The following FAM184B variants were observed in gnomAD, a reference collection of about 807,000 sequenced individuals.
FAM184B encodes family with sequence similarity 184 member B, also known as protein FAM184B.
FAM184B carries 111 observed loss-of-function variants against 135.9 expected under a neutral mutation model. The ratio of observed to expected loss-of-function variants is 0.82; its 90% CI spans 0.70 to 0.96. FAM184B has a LOEUF of 0.96. FAM184B is among the 40% of genes least tolerant of loss of function. The probability of loss-of-function intolerance (pLI) is 0.00; values close to 1 mark genes in which losing one functional copy is unlikely to be tolerated. For missense variants in FAM184B, 1,375 were observed against 1,323.9 expected, an observed-to-expected ratio of 1.04 and a Z score of -0.60; for synonymous variants, 552 against 524.8, an observed-to-expected ratio of 1.05 and a Z score of -0.71.
chr4:17,655,568 A>T (rs1415920976), intron 10 of FAM184B, among the ~76,000 whole-genome samples: 2 of 152,156 alleles, frequency 1.3e-5, no homozygotes, highest in African/African-American at 4.8e-5. Context: ...CAAAAGTCCT[A>T]TATTATGTAA....
At chr4:17,716,775 C>A (rs770760310) in intron 1 of FAM184B, among the ~76,000 whole-genome samples, 1 of 152,120 alleles carries the variant, frequency 6.6e-6, no homozygotes, top group Non-Finnish European at 1.5e-5. Context: ...TTTAGCCTTG[C>A]ATTCTTGGCA....
At chr4:17,659,484 C>T (rs1286097848) in intron 9 of FAM184B, among the ~76,000 whole-genome samples, 2 of 149,426 alleles carry the variant, frequency 1.3e-5, no homozygotes, top group African/African-American at 4.9e-5. Flanking sequence ...ATTAGCACAA[C>T]AGGTTTTTTA....
chr4:17,693,650 G>C (rs952695260), intron 5 of FAM184B, among the ~76,000 whole-genome samples: 8 of 152,140 alleles, frequency 5.3e-5, no homozygotes, highest in African/African-American at 1.9e-4. Context: ...AAGTTTTCTA[G>C]TGTCAAATAA....
At chr4:17,776,053 TAAATA>T (rs1159232271) in intron 1 of FAM184B, among the ~76,000 whole-genome samples, 3 of 152,124 alleles carry the variant, frequency 2.0e-5, no homozygotes, top group Non-Finnish European at 4.4e-5. Context: ...AGTAAACAAA[TAAATA>T]AGGGCTCTGT....
chr4:17,715,594 TAAC>T (rs1717387311), intron 1 of FAM184B, among the ~76,000 whole-genome samples: 1 of 152,276 alleles, frequency 6.6e-6, no homozygotes, highest in East Asian at 1.9e-4. Context: ...CTGTAGTTAA[TAAC>T]AATATACTGT....
intron 7 of FAM184B, among the ~76,000 whole-genome samples, chr4:17,679,010 C>T (rs1716380385): frequency 1.3e-5 from 2 of 152,182 alleles, no homozygotes; most frequent in African/African-American, 4.8e-5. Context: ...TAATCTCTCA[C>T]CTTATACAAA....
At chr4:17,655,750 G>A (rs1474352357) in intron 10 of FAM184B, among the ~76,000 whole-genome samples, 4 of 152,172 alleles carry the variant, frequency 2.6e-5, no homozygotes, top group African/African-American at 7.2e-5. Context: ...ATGGCAGCTC[G>A]TGGTAGCTAC....
Position 17,690,803 on chromosome 4 carries a change from G to A in FAM184B, c.1489-2272C>T, listed in dbSNP as rs569715474. ...TTCAAGGCATAGGTGTGGAGACAAG[G>A]GAGGGGACAGAAAGGCTTAAGGCGT... On this transcript the variant is annotated intron_variant, in intron 6 of 17. Coordinates refer to ENST00000265018, the MANE Select transcript of FAM184B (RefSeq NM_015688.2). Among the ~76,000 whole-genome samples, 79 of 152,232 alleles carry A rather than the reference G, an allele frequency of 5.2e-4. 1 individual carries two copies. Among genetic ancestry groups the A allele is most frequent in the Non-Finnish European group, 2.8e-4 (19 of 68,020 alleles).
At chr4:17,639,521 A>G (rs939723767) in intron 13 of FAM184B, 125 bp from the exon 14 acceptor site, 2 of 1,152,340 alleles carry the variant, frequency 1.7e-6, no homozygotes, top group Non-Finnish European at 2.4e-6. Flanking sequence ...ATTGTGATCT[A>G]AGGACACCTG....
chr4:17,653,099 GAGGGCTTATC>G, intron 10 of FAM184B, 116 bp from the exon 11 acceptor site: 1 of 1,011,604 alleles, frequency 9.9e-7, no homozygotes, highest in Non-Finnish European at 1.5e-6. Context: ...CTCTCCCATG[GAGGGCTTATC>G]AGGCTACAGA....
intron 7 of FAM184B, among the ~76,000 whole-genome samples, chr4:17,682,041 C>T (rs1716453656): frequency 1.3e-5 from 2 of 152,136 alleles, no homozygotes; most frequent in Admixed American, 1.3e-4. Flanking sequence ...GGACATGCAG[C>T]CCTATGGCTT....
intron 1 of FAM184B, among the ~76,000 whole-genome samples, chr4:17,769,041 G>T (rs181424375): frequency 6.3e-4 from 95 of 151,840 alleles, no homozygotes; most frequent in African/African-American, 2.2e-3. Context: ...AACCTCAGGT[G>T]ATCCACCCGC....
At chr4:17,648,519 A>AT (rs5856440) in intron 11 of FAM184B, among the ~76,000 whole-genome samples, 7,018 of 144,400 alleles carry the variant, frequency 0.049, 370 homozygotes, top group African/African-American at 0.13. Context: ...TAATTTTTGT[A>AT]TTTTTTTTTT....
chr4:17,736,256 A>G (rs1717907954), intron 1 of FAM184B, among the ~76,000 whole-genome samples: 2 of 152,194 alleles, frequency 1.3e-5, no homozygotes. Context: ...CTGACTCCAC[A>G]GCCTGTGTTC....
At chr4:17,640,811 TTGA>T (rs1715287897) in intron 13 of FAM184B, among the ~76,000 whole-genome samples, 1 of 152,206 alleles carries the variant, frequency 6.6e-6, no homozygotes, top group Non-Finnish European at 1.5e-5. Context: ...GAGTTCAGGA[TTGA>T]TGATAGGTTT....
chr4:17,687,338 T>C (rs1415630587), intron 7 of FAM184B, among the ~76,000 whole-genome samples: 1 of 152,148 alleles, frequency 6.6e-6, no homozygotes, highest in Non-Finnish European at 1.5e-5. Context: ...GCCGTGAGTT[T>C]TTTATGGCTC....
chr4:17,690,124 G>C (rs1716696962), intron 6 of FAM184B, among the ~76,000 whole-genome samples: 1 of 151,966 alleles, frequency 6.6e-6, no homozygotes, highest in Non-Finnish European at 1.5e-5. Context: ...CTCCAGCCTG[G>C]GTGACAGAAC....
chr4:17,720,038 A>C (rs1011030153), intron 1 of FAM184B, among the ~76,000 whole-genome samples: 1 of 151,800 alleles, frequency 6.6e-6, no homozygotes. Flanking sequence ...ATCCTCCTCA[A>C]CTCCCATCCT....
intron 1 of FAM184B, among the ~76,000 whole-genome samples, chr4:17,753,131 T>C (rs1718339056): frequency 6.6e-6 from 1 of 152,220 alleles, no homozygotes; most frequent in African/African-American, 2.4e-5. Context: ...ATCTGCTCCA[T>C]TGGGGTTCCC....
Sources: gnomAD v4.1 joint callset for allele counts (sites outside exome capture counted in the v4.1 genomes callset) on GRCh38, gnomAD v4.1.1 for gene constraint, MANE v1.5 for transcripts, NCBI Gene and HGNC (gene_info 2026-07-23, HGNC 2026-07-21) for gene names.